Variants in SLC35F4 observed in about 807,000 individuals in gnomAD.
SLC35F4 encodes the protein solute carrier family 35 member F4, also known as chromosome 14 open reading frame 36.
A neutral mutation model predicts 44.2 loss-of-function variants in SLC35F4; 24 were observed. The ratio of observed to expected loss-of-function variants is 0.54; its 90% CI spans 0.39 to 0.76. The LOEUF is 0.76. Among genes scored for constraint, SLC35F4 ranks in the 30% least tolerant of loss-of-function variants. The pLI is 0.00. For missense variants in SLC35F4, 562 were observed against 586.1 expected (o/e 0.96, Z 0.42); for synonymous variants, 238 against 223.6 (o/e 1.06, Z -0.57).
At chr14:57,824,466 T>A (rs1474047845) in intron 1 of SLC35F4, among the ~76,000 whole-genome samples, 2 of 152,140 alleles carry the variant, frequency 1.3e-5, no homozygotes, top group Admixed American at 1.3e-4. Flanking sequence ...GGTACATACA[T>A]AAATAGAAGA....
intron 1 of SLC35F4, among the ~76,000 whole-genome samples, chr14:57,698,787 G>A (rs1467308397): frequency 6.6e-6 from 1 of 151,954 alleles, no homozygotes; most frequent in Admixed American, 6.6e-5. Flanking sequence ...ACAGGTGCCT[G>A]ACTAATTTTT....
chr14:57,830,226 CA>C (rs1884221596), intron 1 of SLC35F4, among the ~76,000 whole-genome samples: 1 of 152,092 alleles, frequency 6.6e-6, no homozygotes, highest in African/African-American at 2.4e-5. Context: ...TGTAACATTT[CA>C]ACTGTGTGGT....
At chr14:57,880,041 GAAGGAAGGAAGGAAGGA>G (rs1888493391) in intron 1 of SLC35F4, among the ~76,000 whole-genome samples, 1 of 952 alleles carries the variant, frequency 1.1e-3, no homozygotes, top group African/African-American at 2.4e-3. Flanking sequence ...AGGGAGGAAG[GAAGGAAGGAAGGAAGGA>G]AGGAAGGAAG....
intron 1 of SLC35F4, among the ~76,000 whole-genome samples, chr14:57,943,724 A>C (rs1229329409): frequency 6.6e-6 from 1 of 152,192 alleles, no homozygotes; most frequent in Non-Finnish European, 1.5e-5. Context: ...CTGTAATACT[A>C]TTCGATTCAG....
At chr14:57,945,296 C>T (rs1249739891) in intron 1 of SLC35F4, among the ~76,000 whole-genome samples, 2 of 151,930 alleles carry the variant, frequency 1.3e-5, no homozygotes, top group Admixed American at 6.6e-5. Flanking sequence ...ATCCCAGAAC[C>T]CTGAAAGCTA....
In SLC35F4 at chr14:57,774,288, T is replaced by C. The variant is rs1158197085; in HGVS notation, c.103+91435A>G. ...CCCCCACTGACTCCTGTGGGAGGAG[T>C]GAGTTGAACAGGCAAGGAGAAACCC... On this transcript the variant is annotated intron_variant, in intron 1 of 7. Coordinates refer to ENST00000556826, the MANE Select transcript of SLC35F4 (RefSeq NM_001306087.2). 2.0e-5 allele frequency among the ~76,000 whole-genome samples: 3 copies of C among 151,480 alleles called. No homozygotes were observed. In the East Asian group the frequency reaches 5.9e-4, roughly 30 times the overall value.
chr14:57,644,388 G>C (rs1214498975), intron 1 of SLC35F4, among the ~76,000 whole-genome samples: 1 of 151,774 alleles, frequency 6.6e-6, no homozygotes, highest in Admixed American at 6.6e-5. Context: ...GCATTTTTTC[G>C]AGTGTTTTTT....
Position 57,950,675 on chromosome 14 carries a change from C to CTTTCTTTTTTTTT in SLC35F4, n.282+31237_282+31238insAAAAAAAAAGAAA, listed in dbSNP as rs573848996. On this transcript the variant is annotated intron_variant and non_coding_transcript_variant, in intron 1 of 1. Coordinates refer to the SLC35F4 transcript ENST00000556568. Reference sequence around the variant, plus strand: ...GACTCTTTGTTTCTTTTCTTTCTTTCTTTTTTTTTTTTGAGACAGAGTCTT... The same window carrying CTTTCTTTTTTTTT: ...GACTCTTTGTTTCTTTTCTTTCTTTCTTTCTTTTTTTTTTTTTTTTTTTTTGAGACAGAGTCTT... Among the ~76,000 whole-genome samples, 30 of 127,162 alleles carry CTTTCTTTTTTTTT rather than the reference C, an allele frequency of 2.4e-4. 1 individual carries two copies. Among genetic ancestry groups the CTTTCTTTTTTTTT allele is most frequent in the Middle Eastern group, 0.01 (2 of 200 alleles). 83.4% of individuals were successfully genotyped at this position (127,162 alleles called of 152,430 possible).
intron 2 of SLC35F4, 64 bp downstream of exon 2, chr14:57,593,875 G>A: frequency 4.5e-6 from 7 of 1,547,232 alleles, no homozygotes; most frequent in South Asian, 1.2e-5. Context: ...TGACAATGGC[G>A]AGATCTTTCT....
At chr14:57,765,518 T>G (rs726218) in intron 1 of SLC35F4, among the ~76,000 whole-genome samples, 1 of 152,210 alleles carries the variant, frequency 6.6e-6, no homozygotes, top group Admixed American at 6.5e-5. Context: ...GTTCCAAAAT[T>G]TGAAGACTGG....
intron 6 of SLC35F4, among the ~76,000 whole-genome samples, chr14:57,568,362 T>C (rs1306856521): frequency 6.6e-6 from 1 of 152,240 alleles, no homozygotes; most frequent in African/African-American, 2.4e-5. Flanking sequence ...GGAAATCACA[T>C]GTGCAATGAG....
intron 1 of SLC35F4, among the ~76,000 whole-genome samples, 179 bp from the exon 2 acceptor site, chr14:57,594,303 C>T (rs2070366841): frequency 6.6e-6 from 1 of 152,176 alleles, no homozygotes; most frequent in Admixed American, 6.5e-5. Flanking sequence ...AATTCTCCTG[C>T]CTCAGCCTCC....
chr14:57,597,456 A>G (rs2070557633), intron 1 of SLC35F4, among the ~76,000 whole-genome samples: 2 of 152,212 alleles, frequency 1.3e-5, no homozygotes, highest in South Asian at 4.1e-4. Context: ...AGCACCTATT[A>G]TGGGGCAGGT....
intron 1 of SLC35F4, among the ~76,000 whole-genome samples, chr14:57,813,344 C>T (rs1882187156): frequency 2.0e-5 from 3 of 152,150 alleles, no homozygotes; most frequent in Non-Finnish European, 2.9e-5. Flanking sequence ...AATCCCAGCA[C>T]TTTGGGAGGC....
chr14:57,731,187 G>T (rs7145721), intron 1 of SLC35F4, among the ~76,000 whole-genome samples: 3 of 151,972 alleles, frequency 2.0e-5, no homozygotes, highest in Non-Finnish European at 4.4e-5. Flanking sequence ...GCCCCGATGC[G>T]ACCCTGAAAA....
At chr14:57,842,835 T>C (rs1301454138) in intron 1 of SLC35F4, among the ~76,000 whole-genome samples, 1 of 152,114 alleles carries the variant, frequency 6.6e-6, no homozygotes, top group African/African-American at 2.4e-5. Flanking sequence ...AACATTTGAG[T>C]CAGTGGGCTG....
intron 3 of SLC35F4, among the ~76,000 whole-genome samples, chr14:57,584,385 G>A (rs1391271405): frequency 1.3e-5 from 2 of 152,130 alleles, no homozygotes; most frequent in Admixed American, 1.3e-4. Context: ...TCTATTTCCA[G>A]TCTTACACAC....
At chr14:57,913,443 T>C (rs190421080) in intron 1 of SLC35F4, among the ~76,000 whole-genome samples, 1 of 152,266 alleles carries the variant, frequency 6.6e-6, no homozygotes, top group African/African-American at 2.4e-5. Flanking sequence ...ATTATTTTTT[T>C]CAACGTTTTT....
At chr14:57,908,916 G>A (rs1889161613) in intron 1 of SLC35F4, among the ~76,000 whole-genome samples, 1 of 152,048 alleles carries the variant, frequency 6.6e-6, no homozygotes, top group Admixed American at 6.5e-5. Context: ...TATAGTTTTG[G>A]GTTTTACATG....
Sources: gnomAD v4.1 joint callset for allele counts (sites outside exome capture counted in the v4.1 genomes callset) on GRCh38, gnomAD v4.1.1 for gene constraint, MANE v1.5 for transcripts, NCBI Gene and HGNC (gene_info 2026-07-23, HGNC 2026-07-21) for gene names.